TDP1: variants seen among roughly 807,000 people sequenced by gnomAD.
The protein encoded by TDP1 is tyr-DNA phosphodiesterase 1.
Under a neutral mutation model 81.5 loss-of-function variants are expected in TDP1, and 64 were observed. The ratio of observed to expected loss-of-function variants is 0.79; its 90% CI spans 0.64 to 0.97. The LOEUF is 0.97. Among genes scored for constraint, TDP1 ranks in the 50% least tolerant of loss-of-function variants. The pLI is 0.00. For synonymous variants in TDP1, 256 were observed against 264.3 expected (o/e 0.97, Z 0.30); for missense variants, 723 against 743.8 (o/e 0.97, Z 0.33).
chr14:89,984,152 G>A lies in TDP1; in HGVS notation c.885-364G>A, dbSNP rs118079066. The A allele has an allele frequency of 3.1e-5, 31 of 985,352 alleles. 1 individual carries two copies. The East Asian group carries it at 3.3e-3, about 105-fold the overall frequency. 61.0% of individuals were successfully genotyped at this position (985,352 alleles called of 1,614,324 possible). A position where few individuals can be genotyped will look rare whatever the true frequency, so the allele number is the denominator to read the frequency against. On this transcript the variant is annotated intron_variant, in intron 8 of 16. Coordinates refer to ENST00000335725, the MANE Select transcript of TDP1 (RefSeq NM_018319.4). ...CATGGATTTGCTTTAACCGTTAAGA[G>A]TAGAATTCTTAACTCTTGTCATCAA...
chr14:90,022,698 T>G (rs1178307431), intron 15 of TDP1: 1 of 967,650 alleles, frequency 1.0e-6, no homozygotes, highest in Non-Finnish European at 1.2e-6. Flanking sequence ...TTAAAGTGCT[T>G]ATATCACAAC....
chr14:89,973,343 CTT>C (rs1432791499), intron 6 of TDP1, among the ~76,000 whole-genome samples: 1 of 152,190 alleles, frequency 6.6e-6, no homozygotes, highest in African/African-American at 2.4e-5. Flanking sequence ...GAAATAAAGT[CTT>C]TTTCAAATAT....
chr14:89,958,891 A>C (rs770679638), intron 2 of TDP1, among the ~76,000 whole-genome samples: 17 of 152,238 alleles, frequency 1.1e-4, no homozygotes, highest in South Asian at 2.1e-4. Context: ...CTTTTACATA[A>C]AATAAACTTT....
At chr14:89,994,415 A>G (rs1191246377) in intron 14 of TDP1, among the ~76,000 whole-genome samples, 1 of 152,164 alleles carries the variant, frequency 6.6e-6, no homozygotes, top group Non-Finnish European at 1.5e-5. Context: ...ACTTTATTGG[A>G]AAAGTTTAAT....
chr14:90,007,660 C>T, intron 14 of TDP1, among the ~76,000 whole-genome samples: 1 of 152,014 alleles, frequency 6.6e-6, no homozygotes, highest in Non-Finnish European at 1.5e-5. Context: ...GAGTTTTGCT[C>T]TGCCACCCAG....
chr14:90,029,250 T>G (rs1886996163), intron 15 of TDP1, among the ~76,000 whole-genome samples: 1 of 146,720 alleles, frequency 6.8e-6, no homozygotes, highest in Non-Finnish European at 1.5e-5. Flanking sequence ...CAGGCTGGAG[T>G]GCAGTGGTGC....
At position 89,989,883 on chromosome 14, in the gene TDP1, A is replaced by T. The variant is rs141477145; in HGVS notation, c.1366+118A>T. On this transcript the variant is annotated intron_variant, in intron 12 of 16. Coordinates refer to ENST00000335725, the MANE Select transcript of TDP1 (RefSeq NM_018319.4). ...ATGGTTTTCACTTAACTATATAAGG[A>T]TCATGAAAATAGGCAATATGAAGCT... 4.5e-4 allele frequency: 361 copies of T among 797,338 alleles called. 4 individuals are homozygous for T. In the East Asian group the frequency reaches 7.8e-3, roughly 17 times the overall value. The allele number at this position is 797,338 out of a possible 1,614,324, so 49.4% of individuals were successfully genotyped here.
Position 89,994,129 on chromosome 14 carries a change from G to A in TDP1, c.1541+646G>A, listed in dbSNP as rs528189380. 1.1e-4 allele frequency among the ~76,000 whole-genome samples: 16 copies of A among 152,276 alleles called. 1 individual carries two copies. The highest frequency in any genetic ancestry group is 2.6e-4 in the African/African-American group (11 of 41,538). On this transcript the variant is annotated intron_variant, in intron 14 of 16. Transcript: ENST00000335725. ...TCCTGACTCCCAGGCTGAACCCAAC[G>A]ATTAGGCATCTCTTTATGATTCAGT...
chr14:89,985,313 C>T, intron 10 of TDP1, 103 bp downstream of exon 10: 1 of 692,434 alleles, frequency 1.4e-6, no homozygotes, highest in Non-Finnish European at 2.5e-6. Context: ...TATTTCTGCA[C>T]AATTCTGGGC....
chr14:89,970,135 C>A (rs1249436026), intron 5 of TDP1, among the ~76,000 whole-genome samples: 1 of 152,078 alleles, frequency 6.6e-6, no homozygotes, highest in Non-Finnish European at 1.5e-5. Context: ...CTCGGCCTCC[C>A]AAAGTGCTGG....
intron 2 of TDP1, among the ~76,000 whole-genome samples, chr14:89,959,740 T>C (rs370537392): frequency 6.6e-6 from 1 of 152,132 alleles, no homozygotes; most frequent in East Asian, 1.9e-4. Flanking sequence ...TTTTAGAAAA[T>C]GGAGATAATG....
chr14:90,030,716 G>C (rs1011066468), intron 15 of TDP1, among the ~76,000 whole-genome samples: 3 of 151,954 alleles, frequency 2.0e-5, no homozygotes, highest in African/African-American at 7.3e-5. Context: ...CTTGTGCTGG[G>C]TGCTAAAGTT....
Position 89,984,566 on chromosome 14 carries a change from CT to C in TDP1, c.936del (p.Gly313GlufsTer15). ...CGAATTGCTGATGGAACCCACAAAT[CT>C]GGAGAGTCGCCAACACATTTTAAAG... ...YPRIADGTHK[S>X]GESPTHFKAD... On this transcript the variant is annotated frameshift_variant, in exon 9 of 17. Coordinates refer to ENST00000335725, the MANE Select transcript of TDP1 (RefSeq NM_018319.4). LOFTEE classifies it high-confidence loss of function. 6.2e-7 allele frequency: 1 copy of C among 1,614,128 alleles called. No homozygotes were observed. Among genetic ancestry groups the C allele is most frequent in the Non-Finnish European group, 8.5e-7 (1 of 1,180,016 alleles).
At chr14:89,959,131 C>T (rs533484186) in intron 2 of TDP1, among the ~76,000 whole-genome samples, 2 of 152,306 alleles carry the variant, frequency 1.3e-5, no homozygotes, top group East Asian at 3.9e-4. Context: ...CTTCAGGAAA[C>T]ACTGTGCCGT....
At chr14:90,026,222 C>T (rs1235513679) in intron 15 of TDP1, among the ~76,000 whole-genome samples, 1 of 152,234 alleles carries the variant, frequency 6.6e-6, no homozygotes. Flanking sequence ...ACCACCTTAA[C>T]CCTCTCTTTG....
intron 5 of TDP1, among the ~76,000 whole-genome samples, chr14:89,967,628 T>C (rs1326013998): frequency 6.6e-6 from 1 of 152,220 alleles, no homozygotes. Flanking sequence ...TTTAGCATTT[T>C]CCTCTGTGCT....
chr14:89,980,029 G>T, intron 7 of TDP1: 2 of 309,916 alleles, frequency 6.5e-6, no homozygotes, highest in Non-Finnish European at 9.4e-6. Context: ...CTCATAATAA[G>T]AAATACACTT....
At chr14:89,956,490 C>G (rs1385132638) in intron 1 of TDP1, 88 bp from the exon 2 acceptor site, 1 of 152,400 alleles carries the variant, frequency 6.6e-6, no homozygotes, top group Non-Finnish European at 1.5e-5. Flanking sequence ...CTGCTGCCGT[C>G]ACTTCCTCAC....
At chr14:89,989,404 C>T in intron 11 of TDP1, 1 of 984,584 alleles carries the variant, frequency 1.0e-6, no homozygotes, top group Non-Finnish European at 1.2e-6. Flanking sequence ...TTTGATGTAG[C>T]ACAGCCAGCA....
Sources: allele counts gnomAD v4.1 joint callset (sites outside exome capture counted in the v4.1 genomes callset), GRCh38; gene constraint gnomAD v4.1.1; transcripts MANE v1.5; gene names NCBI Gene and HGNC (gene_info 2026-07-23, HGNC 2026-07-21).